KIAA0513: variants seen among roughly 807,000 people sequenced by gnomAD.
KIAA0513 encodes the protein uncharacterized protein KIAA0513.
A neutral mutation model predicts 56.5 loss-of-function variants in KIAA0513; 39 were observed. The observed-to-expected ratio is 0.69, with a 90% CI of 0.53 to 0.90. The LOEUF (loss-of-function observed/expected upper bound fraction) is 0.90, where lower values mean the gene tolerates loss of function less well. KIAA0513 is among the 40% of genes least tolerant of loss of function. The pLI, the probability that KIAA0513 is intolerant of heterozygous loss-of-function variation, is 0.00. For missense variants in KIAA0513, 591 were observed against 535.2 expected, an observed-to-expected ratio of 1.10 and a Z score of -1.03; for synonymous variants, 268 against 215.6, an observed-to-expected ratio of 1.24 and a Z score of -2.13.
chr16:85,056,705 G>A, intron 1 of KIAA0513, among the ~76,000 whole-genome samples: 1 of 152,066 alleles, frequency 6.6e-6, no homozygotes, highest in Middle Eastern at 3.2e-3. Context: ...TTAGATGCTT[G>A]TCTTCTTGTT....
Position 85,066,903 on chromosome 16 carries a change from C to A in KIAA0513, c.-169C>A. 1 of 540,832 alleles carries A rather than the reference C, an allele frequency of 1.8e-6. No individual in the cohort carries two copies. Among genetic ancestry groups the A allele is most frequent in the Non-Finnish European group, 3.2e-6 (1 of 308,190 alleles). 33.5% of individuals were successfully genotyped at this position (540,832 alleles called of 1,614,324 possible). A position where few individuals can be genotyped will look rare whatever the true frequency, so the allele number is the denominator to read the frequency against. ...TGTGTCTGTGTTTCCATTCTAGATG[C>A]CGTAGGGCCAGGTGAGCTGCTGTGA... On this transcript the variant is annotated 5_prime_UTR_variant, in exon 2 of 13. Transcript: ENST00000683363.
In KIAA0513 at chr16:85,066,952, A is replaced by G. The variant is rs2073491114; in HGVS notation, c.-120A>G. 1 of 761,548 alleles carries G rather than the reference A, an allele frequency of 1.3e-6. No homozygotes were observed. The highest frequency in any genetic ancestry group is 2.1e-6 in the Non-Finnish European group (1 of 482,912). 47.2% of individuals were successfully genotyped at this position (761,548 alleles called of 1,614,324 possible). A position where few individuals can be genotyped will look rare whatever the true frequency, so the allele number is the denominator to read the frequency against. On this transcript the variant is annotated 5_prime_UTR_variant, in exon 2 of 13. Transcript: ENST00000683363. ...GAAGGACTCATTCTTGGTAGCCGGC[A>G]GTTACTGGCAACTTGTGAGCTTGGT...
chr16:85,028,936 T>C (rs1028778706), intron 1 of KIAA0513, among the ~76,000 whole-genome samples: 1 of 152,208 alleles, frequency 6.6e-6, no homozygotes, highest in Admixed American at 6.5e-5. Context: ...ATTCATTTCC[T>C]TAGAGGCATC....
intron 1 of KIAA0513, among the ~76,000 whole-genome samples, chr16:85,029,279 C>T (rs755331464): frequency 7.9e-5 from 12 of 152,190 alleles, no homozygotes; most frequent in Non-Finnish European, 1.6e-4. Context: ...CGTTTGCGAT[C>T]AGATCATCAC....
rs187827262 is a variant in KIAA0513, at chr16:85,041,180, G to T, written c.-173+13322G>T. On this transcript the variant is annotated intron_variant, in intron 1 of 12. Coordinates refer to ENST00000683363, the MANE Select transcript of KIAA0513 (RefSeq NM_001388359.1). ...AACTGAAGTTGTGCTAGACTAGGCA[G>T]TATTTTTTTAATCCTTCCCAACTCT... Among the ~76,000 whole-genome samples the T allele has an allele frequency of 6.6e-5, 10 of 152,316 alleles. No individual in the cohort carries two copies. The East Asian group carries it at 1.9e-3, about 29-fold the overall frequency.
At chr16:85,060,087 A>C (rs2073382563) in intron 1 of KIAA0513, among the ~76,000 whole-genome samples, 1 of 152,096 alleles carries the variant, frequency 6.6e-6, no homozygotes, top group Non-Finnish European at 1.5e-5. Flanking sequence ...CAGACTCCCG[A>C]GTAGCTAGGA....
chr16:85,051,985 C>G (rs1442849032), intron 1 of KIAA0513, among the ~76,000 whole-genome samples: 1 of 151,388 alleles, frequency 6.6e-6, no homozygotes, highest in South Asian at 2.1e-4. Context: ...CTTACAAGCA[C>G]TTATTAAATG....
chr16:85,085,524 T>A (rs1244395592), intron 10 of KIAA0513, among the ~76,000 whole-genome samples: 1 of 152,252 alleles, frequency 6.6e-6, no homozygotes, highest in Non-Finnish European at 1.5e-5. Flanking sequence ...TCCAGTTTTC[T>A]TTTTAGGGGG....
chr16:85,048,076 TG>T (rs2073196108), intron 1 of KIAA0513, among the ~76,000 whole-genome samples: 1 of 152,056 alleles, frequency 6.6e-6, no homozygotes, highest in Non-Finnish European at 1.5e-5. Flanking sequence ...CAGAAACGTC[TG>T]GGATTACAAA....
intron 6 of KIAA0513, among the ~76,000 whole-genome samples, chr16:85,077,919 G>A (rs1287131884): frequency 6.6e-6 from 1 of 152,180 alleles, no homozygotes; most frequent in African/African-American, 2.4e-5. Flanking sequence ...TGTCTCCTCT[G>A]TCCCCTCCAT....
In KIAA0513 at chr16:85,087,275, C is replaced by T. The variant is rs1036689909; in HGVS notation, c.1186+109C>T. 4 of 873,840 alleles carry T rather than the reference C, an allele frequency of 4.6e-6. No homozygotes were observed. In the Admixed American group the frequency reaches 5.8e-5, roughly 13 times the overall value. 54.1% of individuals were successfully genotyped at this position (873,840 alleles called of 1,614,324 possible). A position where few individuals can be genotyped will look rare whatever the true frequency, so the allele number is the denominator to read the frequency against. On this transcript the variant is annotated intron_variant, in intron 12 of 12. Transcript: ENST00000683363. ...GCCAGAAGGCATGTCGTGTTGCAGT[C>T]GGAAACGTGGTGCTGAGCTCTCGGC...
rs1233008719 is a variant in KIAA0513 at position 85,087,178 on chromosome 16, G to T, written c.1186+12G>T. ...CAACCTGGATGAAGGTGCGTCTGGG[G>T]GAGGCTGCTGGCAGGAGGCGGGCAG... On this transcript the variant is annotated intron_variant, in intron 12 of 12. Transcript: ENST00000683363. 3.5e-5 allele frequency: 56 copies of T among 1,610,412 alleles called. No homozygotes were observed. The highest frequency in any genetic ancestry group is 4.7e-5 in the Non-Finnish European group (55 of 1,176,618).
chr16:85,066,774 A>G (rs1057315899), intron 1 of KIAA0513, 126 bp from the exon 2 acceptor site: 173 of 365,870 alleles, frequency 4.7e-4, no homozygotes, highest in Non-Finnish European at 6.9e-5. Flanking sequence ...GACAGTAGGA[A>G]GATGATAGCA....
chr16:85,074,436 G>C (rs2073627584), intron 4 of KIAA0513, among the ~76,000 whole-genome samples: 1 of 152,070 alleles, frequency 6.6e-6, no homozygotes, highest in Non-Finnish European at 1.5e-5. Context: ...TCCTTCGTCA[G>C]CCTCCCAAAT....
intron 8 of KIAA0513, 88 bp downstream of exon 8, chr16:85,079,091 C>T (rs1567544276): frequency 2.5e-6 from 4 of 1,599,278 alleles, no homozygotes; most frequent in Non-Finnish European, 2.6e-6. Flanking sequence ...GCCTTTGTCC[C>T]CATCAGAATG....
rs749436294 is a variant in KIAA0513 at position 85,071,890 on chromosome 16, C to G, written c.429+8C>G. On this transcript the variant is annotated splice_region_variant and intron_variant, in intron 3 of 12. Transcript: ENST00000683363. ...CGATACGTGAGTGCCCAGGTAAGGG[C>G]GAGGTGATGGGAAGGATGGGCGTTT... 1 of 1,566,532 alleles carries G rather than the reference C, an allele frequency of 6.4e-7. No homozygotes were observed. Among genetic ancestry groups the G allele is most frequent in the Non-Finnish European group, 8.8e-7 (1 of 1,140,190 alleles).
At chr16:85,077,772 C>T in intron 6 of KIAA0513, 140 bp downstream of exon 6, 1 of 671,396 alleles carries the variant, frequency 1.5e-6, no homozygotes, top group Non-Finnish European at 2.6e-6. Context: ...CACTTCTGCC[C>T]CCACGGCTTG....
chr16:85,054,998 C>G (rs898688951), intron 1 of KIAA0513, among the ~76,000 whole-genome samples: 9 of 152,012 alleles, frequency 5.9e-5, no homozygotes, highest in Non-Finnish European at 1.2e-4. Flanking sequence ...TCTCGGTTTA[C>G]TGCAACCTCT....
At chr16:85,082,027 A>G (rs1156728662) in intron 9 of KIAA0513, among the ~76,000 whole-genome samples, 1 of 152,210 alleles carries the variant, frequency 6.6e-6, no homozygotes, top group Non-Finnish European at 1.5e-5. Flanking sequence ...CTGAAGTCTG[A>G]ACCTCTCAGG....
Sources: gnomAD v4.1 joint callset for allele counts (sites outside exome capture counted in the v4.1 genomes callset) on GRCh38, gnomAD v4.1.1 for gene constraint, MANE v1.5 for transcripts, NCBI Gene and HGNC (gene_info 2026-07-23, HGNC 2026-07-21) for gene names.